Variants in ME3 observed in about 807,000 individuals in gnomAD.
ME3 encodes NADP-dependent malic enzyme, mitochondrial.
Under a neutral mutation model 68.9 loss-of-function variants are expected in ME3, and 48 were observed. The ratio of observed to expected loss-of-function variants is 0.70; its 90% CI spans 0.55 to 0.89. The LOEUF (loss-of-function observed/expected upper bound fraction) is 0.89, where lower values mean the gene tolerates loss of function less well. Among genes scored for constraint, ME3 ranks in the 40% least tolerant of loss-of-function variants. The pLI, the probability that ME3 is intolerant of heterozygous loss-of-function variation, is 0.00. For synonymous variants in ME3, 320 were observed against 318.8 expected, an observed-to-expected ratio of 1.00 and a Z score of -0.04; for missense variants, 675 against 797.4, an observed-to-expected ratio of 0.85 and a Z score of 1.85.
intron 4 of ME3, among the ~76,000 whole-genome samples, chr11:86,553,137 A>C (rs1406582529): frequency 6.6e-6 from 1 of 152,202 alleles, no homozygotes; most frequent in Non-Finnish European, 1.5e-5. Context: ...AGGCAGGATG[A>C]GGCAAAGGAG....
chr11:86,496,975 AT>A (rs1342305263), intron 6 of ME3, among the ~76,000 whole-genome samples: 1 of 151,480 alleles, frequency 6.6e-6, no homozygotes, highest in African/African-American at 2.4e-5. Context: ...ATTTCTCTGA[AT>A]TTTCTCTATT....
chr11:86,542,114 A>G (rs1385613203), intron 4 of ME3, among the ~76,000 whole-genome samples: 3 of 152,228 alleles, frequency 2.0e-5, no homozygotes, highest in African/African-American at 4.8e-5. Context: ...ATCAACATCA[A>G]CAAAAAGGAC....
chr11:86,450,478 C>T (rs760175977), intron 8 of ME3, 80 bp from the exon 9 acceptor site: 50 of 1,185,754 alleles, frequency 4.2e-5, no homozygotes, highest in Non-Finnish European at 5.9e-5. Flanking sequence ...GAGTTCCCCA[C>T]ATCTGGGACT....
intron 2 of ME3, among the ~76,000 whole-genome samples, chr11:86,594,316 TC>T (rs1387328935): frequency 6.8e-6 from 1 of 146,482 alleles, no homozygotes; most frequent in Non-Finnish European, 1.5e-5. Context: ...TAGAGATTTT[TC>T]TCCTTTGCTC....
At position 86,608,223 on chromosome 11, in the gene ME3, A is replaced by G. The variant is rs116988476; in HGVS notation, c.184-48400T>C. On this transcript the variant is annotated intron_variant, in intron 2 of 14. Coordinates refer to ENST00000543262, the Ensembl canonical transcript of ME3. ...TTCAGCTGCAGCTCATTATTTATGA[A>G]ATGTTATTCCTGTTTCTTGCAGAGG... Among the ~76,000 whole-genome samples the G allele has an allele frequency of 3.4e-3, 520 of 152,244 alleles. 3 individuals are homozygous for G. The highest frequency in any genetic ancestry group is 3.4e-3 in the Non-Finnish European group (234 of 68,016).
chr11:86,663,380 C>T (rs570523007), intron 2 of ME3, among the ~76,000 whole-genome samples: 12 of 152,172 alleles, frequency 7.9e-5, no homozygotes, highest in African/African-American at 2.9e-4. Flanking sequence ...GGCTGCATGG[C>T]AACCTTTCAG....
chr11:86,594,401 G>T (rs1000543474), intron 2 of ME3, among the ~76,000 whole-genome samples: 3 of 145,926 alleles, frequency 2.1e-5, no homozygotes, highest in Non-Finnish European at 4.5e-5. Flanking sequence ...ATCCAAAGTT[G>T]GTCTCCTAGC....
At chr11:86,551,393 C>A (rs1956674622) in intron 4 of ME3, among the ~76,000 whole-genome samples, 1 of 152,010 alleles carries the variant, frequency 6.6e-6, no homozygotes, top group South Asian at 2.1e-4. Context: ...AGTATGTTTC[C>A]CAAGTGTGAG....
intron 2 of ME3, among the ~76,000 whole-genome samples, chr11:86,596,889 T>C (rs893075544): frequency 6.6e-6 from 1 of 152,156 alleles, no homozygotes; most frequent in African/African-American, 2.4e-5. Flanking sequence ...AGGTCATAGA[T>C]GATGATGGGA....
At chr11:86,665,140 CAACT>C (rs1331782780) in intron 2 of ME3, among the ~76,000 whole-genome samples, 4 of 152,176 alleles carry the variant, frequency 2.6e-5, no homozygotes, top group Non-Finnish European at 1.5e-5. Flanking sequence ...TTACGAGCAC[CAACT>C]AAGTACCTGT....
At chr11:86,655,567 C>T (rs1357054457) in intron 2 of ME3, among the ~76,000 whole-genome samples, 4 of 152,182 alleles carry the variant, frequency 2.6e-5, no homozygotes, top group South Asian at 2.1e-4. Context: ...GAAACTGGAT[C>T]GCTTCCTTAT....
At chr11:86,631,706 C>T (rs1156712850) in intron 2 of ME3, among the ~76,000 whole-genome samples, 1 of 152,216 alleles carries the variant, frequency 6.6e-6, no homozygotes, top group African/African-American at 2.4e-5. Context: ...ACATTGGAAG[C>T]CTACGGGCTG....
At chr11:86,460,374 A>G (rs532679679) in intron 8 of ME3, among the ~76,000 whole-genome samples, 1 of 152,336 alleles carries the variant, frequency 6.6e-6, no homozygotes, top group South Asian at 2.1e-4. Flanking sequence ...CACATGGTAC[A>G]GTGGGACTGG....
At chr11:86,527,009 G>C (rs981538339) in intron 4 of ME3, among the ~76,000 whole-genome samples, 1 of 152,212 alleles carries the variant, frequency 6.6e-6, no homozygotes, top group African/African-American at 2.4e-5. Context: ...AACAAAGCTG[G>C]ACAGAGAATG....
At chr11:86,495,188 C>T (rs1952244704) in intron 6 of ME3, among the ~76,000 whole-genome samples, 1 of 152,182 alleles carries the variant, frequency 6.6e-6, no homozygotes, top group Non-Finnish European at 1.5e-5. Flanking sequence ...AAATAAAACT[C>T]TCTGGGCCTC....
intron 2 of ME3, among the ~76,000 whole-genome samples, chr11:86,603,166 A>T (rs549194603): frequency 6.6e-6 from 1 of 152,222 alleles, no homozygotes; most frequent in African/African-American, 2.4e-5. Flanking sequence ...CAGGCAGCCT[A>T]CAAAATGGGA....
intron 4 of ME3, among the ~76,000 whole-genome samples, chr11:86,543,764 AGG>A (rs1425795589): frequency 6.6e-6 from 1 of 152,216 alleles, no homozygotes; most frequent in East Asian, 1.9e-4. Flanking sequence ...AAAATTAACA[AGG>A]ATATTCCGAA....
intron 4 of ME3, among the ~76,000 whole-genome samples, chr11:86,534,544 G>A (rs1018638569): frequency 8.6e-5 from 13 of 151,962 alleles, no homozygotes; most frequent in Admixed American, 4.6e-4. Flanking sequence ...GCAGGGTGGC[G>A]CATGCCTGTA....
chr11:86,471,024 C>T (rs1431551522), intron 7 of ME3, among the ~76,000 whole-genome samples: 1 of 152,082 alleles, frequency 6.6e-6, no homozygotes, highest in Admixed American at 6.6e-5. Flanking sequence ...TTTCCTGCTT[C>T]CTAACCACTG....
Sources: gnomAD v4.1 joint callset for allele counts (sites outside exome capture counted in the v4.1 genomes callset) on GRCh38, gnomAD v4.1.1 for gene constraint, MANE v1.5 for transcripts, NCBI Gene and HGNC (gene_info 2026-07-23, HGNC 2026-07-21) for gene names.